NEGR1: variants seen among roughly 807,000 people sequenced by gnomAD.
NEGR1 encodes the protein IgLON family member 4.
Under a neutral mutation model 40.9 loss-of-function variants are expected in NEGR1, and 10 were observed. That is an observed-to-expected ratio of 0.24 (90% CI 0.15 to 0.42). The LOEUF (loss-of-function observed/expected upper bound fraction) is 0.42, where lower values mean the gene tolerates loss of function less well. Among genes scored for constraint, NEGR1 ranks in the 10% least tolerant of loss-of-function variants. The pLI is 1.00. For missense variants in NEGR1, 352 were observed against 438.9 expected (o/e 0.80, Z 1.77); for synonymous variants, 185 against 166.8 (o/e 1.11, Z -0.84).
At chr1:71,802,001 G>C (rs1657580334) in intron 2 of NEGR1, among the ~76,000 whole-genome samples, 3 of 152,094 alleles carry the variant, frequency 2.0e-5, no homozygotes, top group African/African-American at 7.2e-5. Flanking sequence ...TGTTATCAGA[G>C]ACTGAAAGAA....
At chr1:71,783,913 T>C (rs1656813744) in intron 2 of NEGR1, among the ~76,000 whole-genome samples, 1 of 152,054 alleles carries the variant, frequency 6.6e-6, no homozygotes, top group Admixed American at 6.6e-5. Flanking sequence ...GGGTGACTAA[T>C]CTTAAGGAGT....
At chr1:71,995,741 A>AT (rs1458900065) in intron 1 of NEGR1, among the ~76,000 whole-genome samples, 2 of 152,174 alleles carry the variant, frequency 1.3e-5, no homozygotes, top group Non-Finnish European at 2.9e-5. Flanking sequence ...AGCTAAACTA[A>AT]TTTTTTAATG....
chr1:72,220,914 G>GT (rs3082236), intron 1 of NEGR1, among the ~76,000 whole-genome samples: 82,810 of 140,602 alleles, frequency 0.59, 25,161 homozygotes, highest in East Asian at 0.83. Context: ...CCTACCTAAA[G>GT]TTTTTTTTTT....
intron 1 of NEGR1, among the ~76,000 whole-genome samples, chr1:72,164,562 A>C (rs1651701943): frequency 6.6e-6 from 1 of 152,058 alleles, no homozygotes; most frequent in Non-Finnish European, 1.5e-5. Context: ...GTGTTTTCAA[A>C]TTAAAGTAAA....
intron 2 of NEGR1, among the ~76,000 whole-genome samples, chr1:71,908,953 T>C (rs1428448713): frequency 6.6e-6 from 1 of 152,214 alleles, no homozygotes; most frequent in Non-Finnish European, 1.5e-5. Context: ...AAATACACAT[T>C]ATTTTTAAAT....
At chr1:71,568,458 G>A (rs1471522501) in intron 6 of NEGR1, among the ~76,000 whole-genome samples, 1 of 152,152 alleles carries the variant, frequency 6.6e-6, no homozygotes, top group African/African-American at 2.4e-5. Flanking sequence ...GACCTTGGAG[G>A]TTATCCATGT....
chr1:71,527,294 A>G (rs1324203367), intron 6 of NEGR1, among the ~76,000 whole-genome samples: 1 of 151,310 alleles, frequency 6.6e-6, no homozygotes, highest in Non-Finnish European at 1.5e-5. Context: ...AAGGTGACTT[A>G]CTCCCAACTT....
At chr1:71,916,507 CT>C (rs1661588197) in intron 2 of NEGR1, among the ~76,000 whole-genome samples, 1 of 152,186 alleles carries the variant, frequency 6.6e-6, no homozygotes, top group Non-Finnish European at 1.5e-5. Context: ...AATCGCAACA[CT>C]TTGGGAGGCC....
chr1:71,520,366 G>A (rs961328586), intron 6 of NEGR1, among the ~76,000 whole-genome samples: 3 of 151,978 alleles, frequency 2.0e-5, no homozygotes, highest in East Asian at 1.9e-4. Context: ...ACGTTGCTCC[G>A]TAAGCGTGGA....
intron 1 of NEGR1, among the ~76,000 whole-genome samples, chr1:72,241,932 T>C (rs1321188968): frequency 6.6e-6 from 1 of 151,780 alleles, no homozygotes; most frequent in Non-Finnish European, 1.5e-5. Flanking sequence ...TGAAAATTAC[T>C]TAAACGATCT....
chr1:72,213,527 G>A (rs1019470192), intron 1 of NEGR1, among the ~76,000 whole-genome samples: 2 of 151,830 alleles, frequency 1.3e-5, no homozygotes, highest in South Asian at 2.1e-4. Context: ...CAGTGATTAC[G>A]ACCTGTTAAA....
At chr1:71,622,084 T>C (rs977254713) in intron 4 of NEGR1, among the ~76,000 whole-genome samples, 4 of 151,958 alleles carry the variant, frequency 2.6e-5, no homozygotes, top group African/African-American at 9.7e-5. Flanking sequence ...TAGTCAGCAA[T>C]GCTCACTCCA....
chr1:71,623,124 C>T (rs1395843455), intron 4 of NEGR1, among the ~76,000 whole-genome samples: 2 of 151,612 alleles, frequency 1.3e-5, no homozygotes, highest in African/African-American at 4.8e-5. Context: ...AAAAAGAAAG[C>T]TTTCAGGATC....
intron 6 of NEGR1, among the ~76,000 whole-genome samples, chr1:71,564,084 C>CA (rs1332838478): frequency 6.6e-6 from 1 of 151,990 alleles, no homozygotes; most frequent in Non-Finnish European, 1.5e-5. Flanking sequence ...CCATGCAACG[C>CA]AAAGCTTTGG....
intron 6 of NEGR1, among the ~76,000 whole-genome samples, chr1:71,420,947 A>G (rs903446212): frequency 1.3e-5 from 2 of 152,038 alleles, no homozygotes; most frequent in Non-Finnish European, 1.5e-5. Flanking sequence ...TAAAATACAA[A>G]ATGAGTTTGT....
chr1:71,457,693 T>C (rs886586463), intron 6 of NEGR1, among the ~76,000 whole-genome samples: 3 of 152,118 alleles, frequency 2.0e-5, no homozygotes, highest in African/African-American at 7.2e-5. Context: ...CTATTATTAG[T>C]TTTCCTTTTT....
chr1:72,196,666 A>AGAC (rs79323473), intron 1 of NEGR1, among the ~76,000 whole-genome samples: 2 of 151,144 alleles, frequency 1.3e-5, no homozygotes, highest in African/African-American at 4.9e-5. Context: ...GTTACAAGTG[A>AGAC]TCAAGGATGA....
rs1399245949 is a variant in NEGR1 at position 71,698,159 on chromosome 1, A to T, written c.536-20T>A. 6.2e-7 allele frequency: 1 copy of T among 1,606,568 alleles called. No homozygotes were observed. Among genetic ancestry groups the T allele is most frequent in the Non-Finnish European group, 8.5e-7 (1 of 1,175,614 alleles). On this transcript the variant is annotated intron_variant, in intron 3 of 6. Transcript: ENST00000357731. Reference sequence around the variant, plus strand: ...GTTTTGCTATAAAAAAGAATACAGCATGTTTAATTGTAGCCGCCTGAGGCT... The same window carrying T: ...GTTTTGCTATAAAAAAGAATACAGCTTGTTTAATTGTAGCCGCCTGAGGCT...
intron 2 of NEGR1, among the ~76,000 whole-genome samples, chr1:71,872,960 AC>A (rs1660320780): frequency 6.6e-6 from 1 of 152,018 alleles, no homozygotes; most frequent in Non-Finnish European, 1.5e-5. Flanking sequence ...AGCGGAACCC[AC>A]ACTACCCTTA....
Sources: allele counts gnomAD v4.1 joint callset (sites outside exome capture counted in the v4.1 genomes callset), GRCh38; gene constraint gnomAD v4.1.1; transcripts MANE v1.5; gene names NCBI Gene and HGNC (gene_info 2026-07-23, HGNC 2026-07-21).